SCYL2: variants seen among roughly 807,000 people sequenced by gnomAD.
SCYL2 encodes the protein SCY1-like protein 2.
SCYL2 carries 36 observed loss-of-function variants against 100.4 expected under a neutral mutation model. The ratio of observed to expected loss-of-function variants is 0.36; its 90% confidence interval spans 0.27 to 0.47. SCYL2 has a LOEUF of 0.47. Among genes scored for constraint, SCYL2 ranks in the 20% least tolerant of loss-of-function variants. The pLI is 1.00. For missense variants in SCYL2, 902 were observed against 1,083.9 expected, an observed-to-expected ratio of 0.83 and a Z score of 2.36; for synonymous variants, 330 against 359.2, an observed-to-expected ratio of 0.92 and a Z score of 0.92.
At chr12:100,294,183 A>C (rs1262489872) in intron 3 of SCYL2, among the ~76,000 whole-genome samples, 2 of 136,224 alleles carry the variant, frequency 1.5e-5, no homozygotes, top group Non-Finnish European at 1.6e-5. Context: ...CCCTCCCGGA[A>C]GGGGTGGCTG....
At chr12:100,281,726 C>T (rs1363153127) in intron 1 of SCYL2, among the ~76,000 whole-genome samples, 4 of 150,664 alleles carry the variant, frequency 2.7e-5, no homozygotes, top group Non-Finnish European at 5.9e-5. Context: ...CCCAGCTACT[C>T]GGGAGGCTGA....
At chr12:100,329,053 AT>A (rs1952174465) in intron 12 of SCYL2, 147 bp from the exon 13 acceptor site, 1 of 537,314 alleles carries the variant, frequency 1.9e-6, no homozygotes, top group African/African-American at 1.9e-5. Flanking sequence ...TCTGATTCAT[AT>A]GTAAGAACAT....
chr12:100,274,595 A>T (rs569176347), intron 1 of SCYL2, among the ~76,000 whole-genome samples: 2 of 152,202 alleles, frequency 1.3e-5, no homozygotes, highest in African/African-American at 4.8e-5. Context: ...TTCTCATAGA[A>T]TTAAATCTAC....
Position 100,267,363 on chromosome 12 carries a change from G to C in SCYL2, c.-458G>C. The C allele has an allele frequency of 3.2e-6, 1 of 311,012 alleles. No individual in the cohort carries two copies. Among genetic ancestry groups the C allele is most frequent in the South Asian group, 6.8e-5 (1 of 14,700 alleles). The allele number at this position is 311,012 out of a possible 1,614,324, so 19.3% of individuals were successfully genotyped here. A position where few individuals can be genotyped will look rare whatever the true frequency, so the allele number is the denominator to read the frequency against. ...TTTATTAGGGGGGCGGGGGGAAAGAGCCCCAGCACCGCCCCTCCTGGAAGA... is the reference window on the plus strand; with the variant it reads ...TTTATTAGGGGGGCGGGGGGAAAGACCCCCAGCACCGCCCCTCCTGGAAGA... On this transcript the variant is annotated 5_prime_UTR_variant, in exon 1 of 18. Coordinates refer to ENST00000360820, the MANE Select transcript of SCYL2 (RefSeq NM_017988.6).
At chr12:100,325,072 A>T (rs1215133463) in intron 11 of SCYL2, among the ~76,000 whole-genome samples, 1 of 152,092 alleles carries the variant, frequency 6.6e-6, no homozygotes, top group African/African-American at 2.4e-5. Flanking sequence ...TACTAAAAAT[A>T]AAAAAATTTA....
chr12:100,337,579 T>C, intron 17 of SCYL2, 73 bp downstream of exon 17: 1 of 1,354,558 alleles, frequency 7.4e-7, no homozygotes, highest in South Asian at 1.2e-5. Flanking sequence ...GAACTTAGTC[T>C]ACTAGTATTT....
chr12:100,314,044 C>T (rs2135904630), intron 7 of SCYL2, among the ~76,000 whole-genome samples: 1 of 152,252 alleles, frequency 6.6e-6, no homozygotes, highest in East Asian at 1.9e-4. Flanking sequence ...CCACACCTGG[C>T]TAATTTTTGT....
Position 100,340,410 on chromosome 12 carries a change from G to T in SCYL2, c.*1238G>T, listed in dbSNP as rs1002028753. The T allele has an allele frequency of 6.6e-6, 1 of 152,074 alleles. No homozygotes were observed. Among genetic ancestry groups the T allele is most frequent in the Non-Finnish European group, 1.5e-5 (1 of 67,920 alleles). The allele number at this position is 152,074 out of a possible 1,614,324, so 9.4% of individuals were successfully genotyped here. ...GAGCCTTATGCTATAAATGTCATTT[G>T]TATTTTAAAAAATAATATTCCACTC... is the stretch of plus-strand genomic sequence containing the variant. On this transcript the variant is annotated 3_prime_UTR_variant, in exon 18 of 18. Transcript: ENST00000360820.
intron 11 of SCYL2, among the ~76,000 whole-genome samples, chr12:100,325,146 G>T (rs1177072787): frequency 2.0e-5 from 3 of 152,134 alleles, no homozygotes; most frequent in Non-Finnish European, 4.4e-5. Context: ...GCAGTGAGTT[G>T]TGATTGTGCT....
chr12:100,328,778 A>G (rs1184487094), intron 12 of SCYL2, among the ~76,000 whole-genome samples: 1 of 152,224 alleles, frequency 6.6e-6, no homozygotes, highest in African/African-American at 2.4e-5. Context: ...GAAGAAGTGA[A>G]TAAAGGTGTA....
intron 8 of SCYL2, among the ~76,000 whole-genome samples, chr12:100,315,231 G>T (rs2096347012): frequency 6.6e-6 from 1 of 152,190 alleles, no homozygotes; most frequent in Non-Finnish European, 1.5e-5. Context: ...GTACATGATA[G>T]TGTTTATGTT....
At chr12:100,294,152 G>T (rs1308447258) in intron 3 of SCYL2, among the ~76,000 whole-genome samples, 31 of 139,180 alleles carry the variant, frequency 2.2e-4, no homozygotes, top group African/African-American at 8.2e-4. Flanking sequence ...CTGGCCGGGC[G>T]GGGGGCTGAC....
intron 1 of SCYL2, among the ~76,000 whole-genome samples, chr12:100,279,803 A>G (rs1231138543): frequency 6.6e-6 from 1 of 152,200 alleles, no homozygotes; most frequent in Non-Finnish European, 1.5e-5. Context: ...AAACTATTCA[A>G]CTGATAGCTC....
chr12:100,306,369 C>T (rs1290640109), intron 4 of SCYL2, among the ~76,000 whole-genome samples: 1 of 152,154 alleles, frequency 6.6e-6, no homozygotes, highest in African/African-American at 2.4e-5. Flanking sequence ...CATTAAATGT[C>T]ATCCATCACA....
At chr12:100,289,990 A>T (rs1042186275) in intron 2 of SCYL2, among the ~76,000 whole-genome samples, 5 of 152,240 alleles carry the variant, frequency 3.3e-5, no homozygotes, top group Non-Finnish European at 5.9e-5. Flanking sequence ...GTGTCAGCAG[A>T]AAACTCATCA....
chr12:100,267,229 C>T lies in SCYL2; in HGVS notation c.-592C>T, dbSNP rs554426847. ...GTCCCCGGTCCCTCCCCTCCCCACC[C>T]CTTTCCTTCTAGCTCCGACGTTTGC... On this transcript the variant is annotated 5_prime_UTR_variant, in exon 1 of 18. Transcript: ENST00000360820. 1.2e-4 allele frequency: 93 copies of T among 791,818 alleles called. No individual in the cohort carries two copies. The East Asian group carries it at 2.5e-3, about 22-fold the overall frequency. 49.0% of individuals were successfully genotyped at this position (791,818 alleles called of 1,614,324 possible).
chr12:100,310,806 G>C (rs2096341292), intron 4 of SCYL2, among the ~76,000 whole-genome samples: 1 of 152,112 alleles, frequency 6.6e-6, no homozygotes, highest in African/African-American at 2.4e-5. Context: ...ATATAGGAAG[G>C]AACTTAATAA....
chr12:100,336,750 A>G (rs1161679998), intron 16 of SCYL2, among the ~76,000 whole-genome samples: 1 of 152,094 alleles, frequency 6.6e-6, no homozygotes, highest in Non-Finnish European at 1.5e-5. Flanking sequence ...TTGAATATGA[A>G]ACTATAATAG....
At chr12:100,293,408 C>G (rs2135855226) in intron 3 of SCYL2, among the ~76,000 whole-genome samples, 1 of 152,326 alleles carries the variant, frequency 6.6e-6, no homozygotes, top group East Asian at 1.9e-4. Flanking sequence ...CCTACACTTT[C>G]CTGACTCTGT....
Sources: allele counts gnomAD v4.1 joint callset (sites outside exome capture counted in the v4.1 genomes callset), GRCh38; gene constraint gnomAD v4.1.1; transcripts MANE v1.5; gene names NCBI Gene and HGNC (gene_info 2026-07-23, HGNC 2026-07-21).